The following CIT variants were observed in gnomAD, a reference collection of about 807,000 sequenced individuals.
The protein encoded by CIT is citron Rho-interacting kinase.
A neutral mutation model predicts 272.7 loss-of-function variants in CIT; 79 were observed. The observed-to-expected ratio is 0.29, with a 90% CI of 0.24 to 0.35. The LOEUF (loss-of-function observed/expected upper bound fraction) is 0.35, where lower values mean the gene tolerates loss of function less well. Among genes scored for constraint, CIT ranks in the 10% least tolerant of loss-of-function variants. The pLI, the probability that CIT is intolerant of heterozygous loss-of-function variation, is 1.00. For synonymous variants in CIT, 948 were observed against 995.6 expected, an observed-to-expected ratio of 0.95 and a Z score of 0.90; for missense variants, 1,909 against 2,618.3, an observed-to-expected ratio of 0.73 and a Z score of 5.91.
At chr12:119,873,780 G>GA (rs11403683) in intron 2 of CIT, among the ~76,000 whole-genome samples, 147,072 of 148,266 alleles carry the variant, frequency 0.99, 72,946 homozygotes, top group Middle Eastern at 1. Flanking sequence ...CAATATTTTG[G>GA]AAAAAAAAAA....
At chr12:119,829,069 G>T (rs1186291514) in intron 7 of CIT, among the ~76,000 whole-genome samples, 1 of 152,086 alleles carries the variant, frequency 6.6e-6, no homozygotes, top group Non-Finnish European at 1.5e-5. Flanking sequence ...AGCTTAGCAG[G>T]TTCTTTCACT....
Position 119,842,335 on chromosome 12 carries a change from G to A in CIT, c.516+7839C>T, listed in dbSNP as rs569208891. On this transcript the variant is annotated intron_variant, in intron 5 of 47. Transcript: ENST00000392521. Reference sequence around the variant, plus strand: ...ACCCAGGAGGTAGAGGTTGCACTGAGCTGAGATCATGCCACTGCACTCCAG... The same window carrying A: ...ACCCAGGAGGTAGAGGTTGCACTGAACTGAGATCATGCCACTGCACTCCAG... Among the ~76,000 whole-genome samples the A allele has an allele frequency of 1.2e-3, 164 of 141,414 alleles. 1 individual carries two copies. Among genetic ancestry groups the A allele is most frequent in the African/African-American group, 4.1e-3 (159 of 38,412 alleles). The allele number at this position is 141,414 out of a possible 152,430, so 92.8% of individuals were successfully genotyped here.
chr12:119,733,531 A>C (rs77236392), intron 26 of CIT, among the ~76,000 whole-genome samples: 1 of 61,664 alleles, frequency 1.6e-5, no homozygotes, highest in Non-Finnish European at 3.4e-5. Flanking sequence ...CTCTGTCACA[A>C]AAAAAAAAAA....
At chr12:119,795,525 T>A (rs181897860) in intron 10 of CIT, among the ~76,000 whole-genome samples, 2 of 152,278 alleles carry the variant, frequency 1.3e-5, no homozygotes, top group East Asian at 3.9e-4. Flanking sequence ...TATTGCTGGG[T>A]CTACATGAGA....
At chr12:119,785,543 GC>G (rs1964705983) in intron 10 of CIT, among the ~76,000 whole-genome samples, 1 of 150,362 alleles carries the variant, frequency 6.7e-6, no homozygotes. Context: ...ACTGATCTCA[GC>G]CCAGTAAAAC....
chr12:119,770,714 C>A lies in CIT; in HGVS notation c.2208+71G>T. On this transcript the variant is annotated intron_variant, in intron 18 of 47. Transcript: ENST00000392521. The surrounding 1 kb of genome is among the most constrained non-coding windows in gnomAD (Gnocchi z 4.4). Reference sequence around the variant, plus strand: ...TCCCTTATTGTGGCGGTTAATTCTTCTTCTTACCCCCTTCCCTTTGCAAAC... The same window carrying A: ...TCCCTTATTGTGGCGGTTAATTCTTATTCTTACCCCCTTCCCTTTGCAAAC... 1 of 1,565,564 alleles carries A rather than the reference C, an allele frequency of 6.4e-7. No individual in the cohort carries two copies.
At chr12:119,752,946 G>A (rs1479999837) in intron 22 of CIT, among the ~76,000 whole-genome samples, 1 of 152,186 alleles carries the variant, frequency 6.6e-6, no homozygotes, top group African/African-American at 2.4e-5. Flanking sequence ...TAGGGATGTT[G>A]CAGGAATACC....
rs1264440029 is a variant in CIT at position 119,803,361 on chromosome 12, C to T, written c.1140G>A (p.Lys380=). 1 of 1,587,352 alleles carries T rather than the reference C, an allele frequency of 6.3e-7. No individual in the cohort carries two copies. The highest frequency in any genetic ancestry group is 8.5e-7 in the Non-Finnish European group (1 of 1,170,056). Residue 380 remains lysine, a synonymous_variant, in exon 10 of 48, where the codon AAG becomes AAA. Coordinates refer to ENST00000392521, the MANE Select transcript of CIT (RefSeq NM_001206999.2). ...NSPPPFVPTL[K]SDDDTSNFDE... ...CAAAATTGGAGGTGTCATCGTCAGA[C>T]TTGAGGGTGGGAACGAAGGGGGGAG...
At chr12:119,781,277 T>C (rs1040475084) in intron 13 of CIT, among the ~76,000 whole-genome samples, 6 of 152,254 alleles carry the variant, frequency 3.9e-5, no homozygotes, top group African/African-American at 1.4e-4. Context: ...TATAATGTTT[T>C]TATCAAGCAA....
chr12:119,792,035 T>C (rs2137782617), intron 10 of CIT, among the ~76,000 whole-genome samples: 1 of 152,340 alleles, frequency 6.6e-6, no homozygotes, highest in East Asian at 1.9e-4. Flanking sequence ...AAAAAATTAC[T>C]TAATAGGGCT....
At chr12:119,834,275 G>T in intron 5 of CIT, 47 bp from the exon 6 acceptor site, 1 of 1,509,174 alleles carries the variant, frequency 6.6e-7, no homozygotes, top group Non-Finnish European at 8.9e-7. Context: ...CCCAAAAATA[G>T]GGAATGCCTC....
chr12:119,757,910 T>A (rs1961233395), intron 21 of CIT, among the ~76,000 whole-genome samples: 1 of 151,996 alleles, frequency 6.6e-6, no homozygotes, highest in African/African-American at 2.4e-5. Flanking sequence ...CCCCAGTAAC[T>A]CATGAAGGCA....
At chr12:119,855,852 T>C (rs1208368760) in intron 4 of CIT, among the ~76,000 whole-genome samples, 1 of 151,990 alleles carries the variant, frequency 6.6e-6, no homozygotes, top group Non-Finnish European at 1.5e-5. Flanking sequence ...CTATTTCCCA[T>C]CAAAAACATA....
intron 17 of CIT, among the ~76,000 whole-genome samples, chr12:119,771,785 C>G (rs552134538): frequency 4.6e-5 from 7 of 152,124 alleles, no homozygotes; most frequent in Non-Finnish European, 1.0e-4. Context: ...AAATGGGAAG[C>G]AGGAGATGAA....
chr12:119,724,930 CAAAAAAAAAAAAAAAA>C (rs35757526), intron 28 of CIT, among the ~76,000 whole-genome samples: 3 of 44,528 alleles, frequency 6.7e-5, no homozygotes, highest in Admixed American at 3.4e-4. Context: ...GACTCCATCT[CAAAAAAAAAAAAAAAA>C]AAAAAAAAAA....
At chr12:119,707,443 A>C (rs1011892393) in intron 40 of CIT, among the ~76,000 whole-genome samples, 4 of 152,226 alleles carry the variant, frequency 2.6e-5, no homozygotes, top group Non-Finnish European at 5.9e-5. Context: ...GAGCAGGAGG[A>C]GGCCATGAAG....
Position 119,713,308 on chromosome 12 carries a change from G to C in CIT, c.4488-14C>G. The C allele has an allele frequency of 6.2e-7, 1 of 1,611,792 alleles. No individual in the cohort carries two copies. Among genetic ancestry groups the C allele is most frequent in the Non-Finnish European group, 8.5e-7 (1 of 1,178,224 alleles). ...CGTTTGTTATTCCTGGGGAAAGAAAGATGGAAAAGAAAAATGTCTGAACTC... is the reference window on the plus strand; with the variant it reads ...CGTTTGTTATTCCTGGGGAAAGAAACATGGAAAAGAAAAATGTCTGAACTC... On this transcript the variant is annotated splice_polypyrimidine_tract_variant and intron_variant, in intron 34 of 47. Transcript: ENST00000392521. This position sits in a 1 kb window ranked among gnomAD's most constrained non-coding sequence, Gnocchi z 5.2.
intron 24 of CIT, among the ~76,000 whole-genome samples, chr12:119,736,283 T>G (rs1239718932): frequency 6.6e-6 from 1 of 152,254 alleles, no homozygotes; most frequent in Non-Finnish European, 1.5e-5. Flanking sequence ...AGCCTACAGT[T>G]ATTAATTGTT....
intron 5 of CIT, among the ~76,000 whole-genome samples, chr12:119,834,791 A>G (rs1010929605): frequency 3.0e-4 from 46 of 152,368 alleles, no homozygotes; most frequent in African/African-American, 1.1e-3. Flanking sequence ...AGATAAATAG[A>G]AAGATAAATA....
Sources: allele counts gnomAD v4.1 joint callset (sites outside exome capture counted in the v4.1 genomes callset), GRCh38; gene constraint gnomAD v4.1.1; non-coding constraint Gnocchi (gnomAD v3.1); transcripts MANE v1.5; gene names NCBI Gene and HGNC (gene_info 2026-07-23, HGNC 2026-07-21).